EPG5: variants seen among roughly 807,000 people sequenced by gnomAD.
The protein encoded by EPG5 is ectopic P granules protein 5 homolog.
In EPG5, 159 loss-of-function variants were observed where a neutral mutation model predicts 302.7. That is an observed-to-expected ratio of 0.53 (90% CI 0.46 to 0.60). The LOEUF (loss-of-function observed/expected upper bound fraction) is 0.60. EPG5 is among the 20% of genes least tolerant of loss of function. The pLI, the probability that EPG5 is intolerant of heterozygous loss-of-function variation, is 0.00. For missense variants in EPG5, 2,896 were observed against 3,092.4 expected (o/e 0.94, Z 1.51); for synonymous variants, 1,158 against 1,136.8 (o/e 1.02, Z -0.37).
rs1464624987 is a variant in EPG5 at position 45,955,353 on chromosome 18, C to T, written c.64-15G>A. The T allele has an allele frequency of 3.4e-6, 5 of 1,471,578 alleles. No homozygotes were observed. Among genetic ancestry groups the T allele is most frequent in the Non-Finnish European group, 4.6e-6 (5 of 1,094,958 alleles). 91.2% of individuals were successfully genotyped at this position (1,471,578 alleles called of 1,614,324 possible). On this transcript the variant is annotated splice_polypyrimidine_tract_variant and intron_variant, in intron 1 of 43. Transcript: ENST00000282041. The stretch of plus-strand genomic sequence containing the variant: ...TTCTTCTTTTCCTAAAAACAACATA[C>T]ATAATGTGAAATAATTTATCACAAT...
chr18:45,804,780 A>G, the EPG5 span, among the ~76,000 whole-genome samples: 1 of 152,216 alleles, frequency 6.6e-6, no homozygotes, highest in African/African-American at 2.4e-5. Context: ...ATGGATCTTT[A>G]GACATGAAGA....
downstream of EPG5, among the ~76,000 whole-genome samples, chr18:45,845,743 A>G (rs2048358136): frequency 1.3e-5 from 2 of 152,200 alleles, no homozygotes; most frequent in African/African-American, 4.8e-5. Context: ...GGGGCTTCTG[A>G]CAGGCAGGCT....
chr18:45,838,928 C>T, the EPG5 span: 10 of 1,604,298 alleles, frequency 6.2e-6, no homozygotes, highest in African/African-American at 1.3e-5. Flanking sequence ...GGCCGCTACA[C>T]GTGTACGGCC....
rs375026896 is a variant in EPG5, at chr18:45,916,224, A to G, written c.3385-18T>C. 108 of 1,594,678 alleles carry G rather than the reference A, an allele frequency of 6.8e-5. No individual in the cohort carries two copies. In the African/African-American group the frequency reaches 1.2e-3, roughly 17 times the overall value. ...ATGTGTGCCTGTGGAGAAAAGGCTC[A>G]TGTGATGGGAAAGATAACAACCAGC... On this transcript the variant is annotated intron_variant, in intron 18 of 43. Coordinates refer to ENST00000282041, the MANE Select transcript of EPG5 (RefSeq NM_020964.3).
At position 45,860,366 on chromosome 18, in the gene EPG5, A is replaced by T; in HGVS notation, c.6767-20T>A. 6.2e-7 allele frequency: 1 copy of T among 1,613,962 alleles called. No homozygotes were observed. Among genetic ancestry groups the T allele is most frequent in the South Asian group, 1.1e-5 (1 of 91,076 alleles). ...CCATGTCTGAAAGGAATATAGACACACTCAAGAATGGCTGCCAGAAAGGTA... is the reference window on the plus strand; with the variant it reads ...CCATGTCTGAAAGGAATATAGACACTCTCAAGAATGGCTGCCAGAAAGGTA... On this transcript the variant is annotated intron_variant, in intron 39 of 43. Transcript: ENST00000282041.
At chr18:45,812,717 T>C in the EPG5 span, among the ~76,000 whole-genome samples, 1 of 152,354 alleles carries the variant, frequency 6.6e-6, no homozygotes, top group Admixed American at 6.5e-5. Flanking sequence ...GCTAGCCATA[T>C]GTAGAAAGCT....
the EPG5 span, among the ~76,000 whole-genome samples, chr18:45,817,486 A>C: frequency 6.6e-6 from 1 of 152,266 alleles, no homozygotes; most frequent in Admixed American, 6.5e-5. Flanking sequence ...ATTCATGAGC[A>C]ACTTAGCTGA....
rs1239194604 is a variant in EPG5 at position 45,852,010 on chromosome 18, T to C, written c.*457A>G. ...CACATTTGAGAAATGCAGAAATTTTTCAAAATTGACTTCTTTACTTTGGAG... is the reference window on the plus strand; with the variant it reads ...CACATTTGAGAAATGCAGAAATTTTCCAAAATTGACTTCTTTACTTTGGAG... On this transcript the variant is annotated 3_prime_UTR_variant, in exon 44 of 44. Transcript: ENST00000282041. 1 of 153,014 alleles carries C rather than the reference T, an allele frequency of 6.5e-6. No individual in the cohort carries two copies. The highest frequency in any genetic ancestry group is 1.9e-4 in the East Asian group (1 of 5,210). The allele number at this position is 153,014 out of a possible 1,614,324, so 9.5% of individuals were successfully genotyped here.
the EPG5 span, chr18:45,837,683 T>C: frequency 2.0e-5 from 29 of 1,479,284 alleles, no homozygotes; most frequent in Admixed American, 1.2e-4. Context: ...GGTGTTCCGC[T>C]GCGCTGCGGC....
intron 7 of EPG5, 83 bp downstream of exon 7, chr18:45,946,580 T>C (rs894277826): frequency 2.0e-6 from 2 of 997,734 alleles, no homozygotes; most frequent in South Asian, 1.4e-5. Context: ...TGAGATACTA[T>C]GTGAAAAGTG....
At chr18:45,830,583 CTTTTTTT>C in the EPG5 span, among the ~76,000 whole-genome samples, 5 of 96,702 alleles carry the variant, frequency 5.2e-5, no homozygotes, top group African/African-American at 2.1e-4. Flanking sequence ...ATTTTTCTTT[CTTTTTTT>C]TTTTTTTTTT....
chr18:45,839,182 C>T, the EPG5 span: 1 of 1,325,106 alleles, frequency 7.5e-7, no homozygotes, highest in Non-Finnish European at 9.6e-7. Context: ...GACCCCCTGG[C>T]ACTGCCAGAA....
intron 9 of EPG5, among the ~76,000 whole-genome samples, chr18:45,940,596 T>A (rs2050643071): frequency 6.6e-6 from 1 of 152,228 alleles, no homozygotes; most frequent in Non-Finnish European, 1.5e-5. Context: ...AAAGGATGCA[T>A]GTCTTTCACA....
chr18:45,867,483 A>C, intron 37 of EPG5, 80 bp downstream of exon 37: 1 of 1,198,398 alleles, frequency 8.3e-7, no homozygotes, highest in Non-Finnish European at 1.2e-6. Context: ...CTGGAAAAAC[A>C]AATGAAAAAC....
chr18:45,942,712 A>G (rs889784678), intron 9 of EPG5, among the ~76,000 whole-genome samples: 3 of 152,362 alleles, frequency 2.0e-5, no homozygotes, highest in Non-Finnish European at 4.4e-5. Flanking sequence ...TGGGGAAGGA[A>G]GTTGAATAAC....
At chr18:45,895,170 G>T (rs1244877619) in intron 27 of EPG5, among the ~76,000 whole-genome samples, 1 of 152,194 alleles carries the variant, frequency 6.6e-6, no homozygotes, top group East Asian at 1.9e-4. Context: ...TGGAAGTGAT[G>T]ATATTGATGC....
chr18:45,894,256 T>C (rs1489481451), intron 27 of EPG5, among the ~76,000 whole-genome samples: 1 of 152,004 alleles, frequency 6.6e-6, no homozygotes, highest in Non-Finnish European at 1.5e-5. Context: ...GGTCAGCAGT[T>C]CAAGACCAGC....
intron 19 of EPG5, 27 bp downstream of exon 19, chr18:45,915,982 A>G (rs766164344): frequency 6.3e-7 from 1 of 1,577,448 alleles, no homozygotes; most frequent in Non-Finnish European, 8.6e-7. Flanking sequence ...AATCACTGAA[A>G]GATAAATTCT....
chr18:45,858,023 G>C lies in EPG5; in HGVS notation c.7272C>G (p.Val2424=). The C allele has an allele frequency of 1.2e-6, 2 of 1,613,872 alleles. No individual in the cohort carries two copies. Among genetic ancestry groups the C allele is most frequent in the Non-Finnish European group, 1.7e-6 (2 of 1,179,950 alleles). ...CTGTCTGAATGAGGGAGAGCTGAAG[G>C]ACTTGGTGCCACCACAAAAACAGCT... ...EAKLFLWWHQ[V]LQLSLIQTEQ... The change falls in exon 42 of 44, where the codon GTC becomes GTG. Residue 2424 remains valine, a synonymous_variant. Transcript: ENST00000282041.
Sources: gnomAD v4.1 joint callset for allele counts (sites outside exome capture counted in the v4.1 genomes callset) on GRCh38, gnomAD v4.1.1 for gene constraint, MANE v1.5 for transcripts, NCBI Gene and HGNC (gene_info 2026-07-23, HGNC 2026-07-21) for gene names.